The following ITPR1 variants were observed in gnomAD, a reference collection of about 807,000 sequenced individuals.
ITPR1 encodes inositol 1,4,5-trisphosphate receptor type 1.
ITPR1 carries 96 observed loss-of-function variants against 318.4 expected under a neutral mutation model. The ratio of observed to expected loss-of-function variants is 0.30; its 90% CI spans 0.26 to 0.36. The LOEUF (loss-of-function observed/expected upper bound fraction) is 0.36, where lower values mean the gene tolerates loss of function less well. Ranked by LOEUF, ITPR1 falls within the 10% of genes least tolerant of loss-of-function variation. The probability of loss-of-function intolerance (pLI) is 1.00; values close to 1 mark genes in which losing one functional copy is unlikely to be tolerated. For missense variants in ITPR1, 2,440 were observed against 3,460.2 expected (o/e 0.71, Z 7.40); for synonymous variants, 1,312 against 1,289.9 (o/e 1.02, Z -0.37).
At chr3:4,844,230 C>G (rs1175144970) in intron 61 of ITPR1, among the ~76,000 whole-genome samples, 4 of 151,664 alleles carry the variant, frequency 2.6e-5, no homozygotes, top group Non-Finnish European at 5.9e-5. Context: ...AAGTGATCCT[C>G]CCACTCTTAG....
Position 4,590,522 on chromosome 3 carries a change from TTAA to T in ITPR1, c.164-37227_164-37225del, listed in dbSNP as rs556438214. 2.0e-5 allele frequency among the ~76,000 whole-genome samples: 3 copies of T among 149,766 alleles called. No individual in the cohort carries two copies. The East Asian group carries it at 5.8e-4, about 29-fold the overall frequency. ...GTCTTCTCCATGTATTTTGTTCTTC[TTAA>T]TAATAATAATAATTTTTTAATTATA... On this transcript the variant is annotated intron_variant, in intron 4 of 61. Transcript: ENST00000649015.
intron 30 of ITPR1, 148 bp downstream of exon 30, chr3:4,685,354 A>G: frequency 2.6e-6 from 2 of 762,020 alleles, no homozygotes; most frequent in South Asian, 4.8e-5. Context: ...TATTGATATG[A>G]AACAGAGCAT....
At chr3:4,822,584 A>G (rs2049800418) in intron 60 of ITPR1, among the ~76,000 whole-genome samples, 1 of 152,212 alleles carries the variant, frequency 6.6e-6, no homozygotes, top group Non-Finnish European at 1.5e-5. Flanking sequence ...GCCCAGAAGT[A>G]GAGCTTTCAT....
chr3:4,806,387 T>G (rs1339819479), intron 55 of ITPR1, 120 bp downstream of exon 55: 1 of 993,752 alleles, frequency 1.0e-6, no homozygotes, highest in African/African-American at 1.6e-5. Context: ...CCACCAAGAT[T>G]GAAGCTCCAC....
At chr3:4,827,692 A>C in intron 60 of ITPR1, among the ~76,000 whole-genome samples, 1 of 152,192 alleles carries the variant, frequency 6.6e-6, no homozygotes, top group Admixed American at 6.5e-5. Context: ...AATAAGCAAC[A>C]TTCAGAGTGC....
Position 4,768,733 on chromosome 3 carries a change from T to C in ITPR1, c.5948T>C (p.Leu1983Pro). 6.2e-7 allele frequency: 1 copy of C among 1,612,982 alleles called. No individual in the cohort carries two copies. The highest frequency in any genetic ancestry group is 8.5e-7 in the Non-Finnish European group (1 of 1,179,430). Reference sequence around the variant, plus strand: ...CAGCCCATCCTCCGCTTCCTTCAGCTCCTGTGTGAAAACCACAACCGAGAC... The same window carrying C: ...CAGCCCATCCTCCGCTTCCTTCAGCCCCTGTGTGAAAACCACAACCGAGAC... The part of the protein sequence containing the change: ...IMQPILRFLQ[L>P]LCENHNRDLQ... Residue 1983 changes from leucine (L) to proline (P), a missense_variant, in exon 46 of 62, where the codon CTC (leucine) becomes CCC (proline). By Grantham distance (98) the Leu-to-Pro change is moderately conservative (BLOSUM62 -3). Transcript: ENST00000649015.
At chr3:4,819,347 C>T (rs2049526229) in intron 60 of ITPR1, among the ~76,000 whole-genome samples, 2 of 152,194 alleles carry the variant, frequency 1.3e-5, no homozygotes, top group Non-Finnish European at 2.9e-5. Flanking sequence ...AGTTGAATTC[C>T]ATGCTTCTCA....
intron 24 of ITPR1, among the ~76,000 whole-genome samples, chr3:4,678,799 G>A (rs943604969): frequency 1.6e-4 from 25 of 152,150 alleles, no homozygotes; most frequent in Non-Finnish European, 1.5e-5. Context: ...GCCTGAAGCC[G>A]AGTACCATGG....
At chr3:4,795,574 GTA>G (rs1338840501) in intron 53 of ITPR1, among the ~76,000 whole-genome samples, 2 of 152,216 alleles carry the variant, frequency 1.3e-5, no homozygotes, top group African/African-American at 2.4e-5. Flanking sequence ...GCTCAGTCCA[GTA>G]TATGTGTTTC....
chr3:4,514,347 G>A (rs929480689), intron 2 of ITPR1, among the ~76,000 whole-genome samples: 2 of 152,186 alleles, frequency 1.3e-5, no homozygotes, highest in Non-Finnish European at 2.9e-5. Flanking sequence ...AGAAAATAAT[G>A]CAGAACCGTG....
At chr3:4,673,500 G>C in intron 21 of ITPR1, 113 bp downstream of exon 21, 11 of 1,128,190 alleles carry the variant, frequency 9.8e-6, no homozygotes, top group Non-Finnish European at 1.3e-5. Flanking sequence ...TTTTCTTCAA[G>C]CTTAAAATAA....
chr3:4,535,313 C>T (rs2083754983), intron 4 of ITPR1, among the ~76,000 whole-genome samples: 1 of 151,954 alleles, frequency 6.6e-6, no homozygotes, highest in Non-Finnish European at 1.5e-5. Context: ...CAGTTGTCCC[C>T]TACAGGGTAC....
chr3:4,516,752 C>A (rs1360779188), intron 3 of ITPR1, among the ~76,000 whole-genome samples, 169 bp downstream of exon 3: 1 of 152,198 alleles, frequency 6.6e-6, no homozygotes, highest in African/African-American at 2.4e-5. Context: ...ACCTCTTATA[C>A]AAAAACACAA....
intron 16 of ITPR1, among the ~76,000 whole-genome samples, chr3:4,664,616 A>AG (rs2093907395): frequency 6.6e-6 from 1 of 152,260 alleles, no homozygotes; most frequent in Non-Finnish European, 1.5e-5. Flanking sequence ...CCTCTGGCTT[A>AG]ATGCCCATGC....
In ITPR1 at chr3:4,673,287, A is replaced by T; in HGVS notation, c.2356A>T (p.Met786Leu). Residue 786 changes from methionine to leucine, a missense_variant, in exon 21 of 62, where the codon ATG becomes TTG. Physicochemically the swap from Met to Leu is conservative, Grantham distance 15 (BLOSUM62 2). Coordinates refer to ENST00000649015, the MANE Select transcript of ITPR1 (RefSeq NM_001378452.1). ...CCTCAGGGCGTCCTTCTGCCGCCTC[A>T]TGCTTCACATGCATGTGGACCGAGA... Reference protein sequence around the residue: ...YDLRASFCRLMLHMHVDRDPQ... With the variant: ...YDLRASFCRLLLHMHVDRDPQ... 6.2e-7 allele frequency: 1 copy of T among 1,613,826 alleles called. No individual in the cohort carries two copies. Among genetic ancestry groups the T allele is most frequent in the South Asian group, 1.1e-5 (1 of 91,068 alleles).
chr3:4,581,735 C>G (rs571009280), intron 4 of ITPR1, among the ~76,000 whole-genome samples: 1 of 152,116 alleles, frequency 6.6e-6, no homozygotes. Context: ...AAATAGTGTA[C>G]GGCAGGAATT....
chr3:4,677,904 A>T (rs2094216368), intron 24 of ITPR1, among the ~76,000 whole-genome samples: 1 of 139,484 alleles, frequency 7.2e-6, no homozygotes, highest in Non-Finnish European at 1.6e-5. Flanking sequence ...AAACCCTCCC[A>T]AGCCTCTCTA....
rs771396637 is a variant in ITPR1, at chr3:4,688,538, A to G, written c.3746A>G (p.Glu1249Gly). 2 of 1,614,018 alleles carry G rather than the reference A, an allele frequency of 1.2e-6. No homozygotes were observed. Among genetic ancestry groups the G allele is most frequent in the Non-Finnish European group, 1.7e-6 (2 of 1,179,872 alleles). Residue 1249 changes from glutamate (E) to glycine (G), a missense_variant, in exon 31 of 62, where the codon GAA (glutamate) becomes GGA (glycine). Physicochemically the swap from Glu to Gly is moderately conservative, Grantham distance 98. This residue lies in a region of ITPR1 where 222 missense variants were observed against 318.8 expected (regional missense o/e 0.70). Coordinates refer to ENST00000649015, the MANE Select transcript of ITPR1 (RefSeq NM_001378452.1). Reference sequence around the variant, plus strand: ...CAAGAGATAATGAGGTTGGCTCATGAATTTTTGCAGAATTTCTGCGCAGGC... The same window carrying G: ...CAAGAGATAATGAGGTTGGCTCATGGATTTTTGCAGAATTTCTGCGCAGGC... ...KMQEIMRLAH[E>G]FLQNFCAGNQ...
intron 4 of ITPR1, among the ~76,000 whole-genome samples, chr3:4,543,420 G>C (rs2084660428): frequency 6.6e-6 from 1 of 152,150 alleles, no homozygotes; most frequent in Non-Finnish European, 1.5e-5. Flanking sequence ...ATTTAGGCTA[G>C]ACTCAGTTCC....
Sources: allele counts gnomAD v4.1 joint callset (sites outside exome capture counted in the v4.1 genomes callset), GRCh38; gene constraint gnomAD v4.1.1; regional missense constraint gnomAD v4.1.1; transcripts MANE v1.5; gene names NCBI Gene and HGNC (gene_info 2026-07-23, HGNC 2026-07-21).